The following ZNF397 variants were observed in gnomAD, a reference collection of about 807,000 sequenced individuals.
ZNF397 encodes the protein zinc finger protein 397.
In ZNF397, 38 loss-of-function variants were observed where a neutral mutation model predicts 50.6. That is an observed-to-expected ratio of 0.75 (90% CI 0.58 to 0.98). The LOEUF (loss-of-function observed/expected upper bound fraction) is 0.98. ZNF397 is among the 50% of genes least tolerant of loss of function. ZNF397 has a pLI of 0.00. For missense variants in ZNF397, 624 were observed against 624.1 expected, an observed-to-expected ratio of 1.00 and a Z score of 0.00; for synonymous variants, 228 against 215.2, an observed-to-expected ratio of 1.06 and a Z score of -0.52.
At chr18:35,244,128 T>C (rs1912747322) in intron 3 of ZNF397, 1 of 154,388 alleles carries the variant, frequency 6.5e-6, no homozygotes, top group Non-Finnish European at 1.5e-5. Context: ...AATCAATATG[T>C]GTTATGGTAA....
At chr18:35,258,040 A>G (rs542802588) in exon 6 of ZNF397, 70 of 779,154 alleles carry the variant, frequency 9.0e-5, no homozygotes, top group Non-Finnish European at 1.5e-4. Flanking sequence ...CAAGAAACTT[A>G]TAACTCAAGG....
At position 35,242,592 on chromosome 18, in the gene ZNF397, G is replaced by A. The variant is rs1377093511; in HGVS notation, c.122G>A (p.Ser41Asn). The change falls in exon 2 of 4, where the codon AGT becomes AAT. Residue 41 changes from serine (S) to asparagine (N), a missense_variant. Ser to Asn is a conservative substitution (Grantham distance 46, BLOSUM62 1). Coordinates refer to ENST00000330501, the MANE Select transcript of ZNF397 (RefSeq NM_001135178.3). ...GATGAGAAATTTAAGCAGAATGGGA[G>A]TACTCAATCCTGCCAAGAATTGTTT... is the stretch of plus-strand genomic sequence containing the variant. ...SWDEKFKQNG[S>N]TQSCQELFRQ... 14 of 1,614,094 alleles carry A rather than the reference G, an allele frequency of 8.7e-6. No homozygotes were observed. Among genetic ancestry groups the A allele is most frequent in the Non-Finnish European group, 1.0e-5 (12 of 1,180,058 alleles).
chr18:35,247,197 C>T lies in ZNF397; in HGVS notation c.*887C>T. The T allele has an allele frequency of 1.0e-6, 1 of 984,982 alleles. No individual in the cohort carries two copies. The highest frequency in any genetic ancestry group is 1.2e-6 in the Non-Finnish European group (1 of 829,546). The allele number at this position is 984,982 out of a possible 1,614,324, so 61.0% of individuals were successfully genotyped here. On this transcript the variant is annotated 3_prime_UTR_variant, in exon 4 of 4. Coordinates refer to ENST00000330501, the MANE Select transcript of ZNF397 (RefSeq NM_001135178.3). ...GGTCTGGCCAGACTCTTAAGCAGTG[C>T]CAATGGAGAAGTTCCTGTTAATAGA...
At position 35,247,653 on chromosome 18, in the gene ZNF397, A is replaced by T. The variant is rs545692894; in HGVS notation, c.*1343A>T. 2.9e-5 allele frequency: 4 copies of T among 137,416 alleles called. No homozygotes were observed. The highest frequency in any genetic ancestry group is 1.5e-4 in the Admixed American group (2 of 13,302). The allele number at this position is 137,416 out of a possible 1,614,324, so 8.5% of individuals were successfully genotyped here. A position where few individuals can be genotyped will look rare whatever the true frequency, so the allele number is the denominator to read the frequency against. ...TTGTCTTATGTCACCAGTATTTCAC[A>T]ATATCTTTTGCAATTTTTTTTTTTT... On this transcript the variant is annotated 3_prime_UTR_variant, in exon 4 of 4. Coordinates refer to ENST00000330501, the MANE Select transcript of ZNF397 (RefSeq NM_001135178.3).
chr18:35,241,233 C>A (rs1912464927), intron 1 of ZNF397, 124 bp downstream of exon 1: 1 of 152,230 alleles, frequency 6.6e-6, no homozygotes, highest in African/African-American at 2.4e-5. Context: ...CGCGGCGTCT[C>A]CAAGCGACTG....
chr18:35,254,278 T>G (rs747142874), downstream of ZNF397: 8 of 1,614,176 alleles, frequency 5.0e-6, no homozygotes, highest in Admixed American at 1.3e-4. Context: ...GTTGGGAATG[T>G]GTTTCTCCAG....
downstream of ZNF397, chr18:35,253,295 CA>C: frequency 1.8e-6 from 1 of 552,264 alleles, no homozygotes. Flanking sequence ...CTTCAATAAT[CA>C]TAACAAACAT....
downstream of ZNF397, chr18:35,254,342 T>G: frequency 1.2e-6 from 2 of 1,613,850 alleles, no homozygotes; most frequent in Non-Finnish European, 1.7e-6. Flanking sequence ...AACAATTTCT[T>G]GCTTTGCCAT....
intron 1 of ZNF397, 112 bp downstream of exon 1, chr18:35,241,221 C>G (rs556039637): frequency 6.6e-6 from 1 of 152,180 alleles, no homozygotes; most frequent in African/African-American, 2.4e-5. Context: ...CCCTTTGGCC[C>G]GCGCGGCGTC....
downstream of ZNF397, among the ~76,000 whole-genome samples, chr18:35,250,242 C>T (rs2043554859): frequency 6.6e-6 from 1 of 152,176 alleles, no homozygotes. Flanking sequence ...AGCAAGTCAT[C>T]TTCCAACTCT....
downstream of ZNF397, chr18:35,259,191 C>T (rs1397171107): frequency 6.6e-6 from 1 of 152,144 alleles, no homozygotes. Flanking sequence ...ATGATGGCCA[C>T]CTTCTTTTCT....
Position 35,248,363 on chromosome 18 carries a change from A to C in ZNF397, c.*2053A>C, listed in dbSNP as rs1386876658. ...TGTTTAGGGAGAGAATATGGAAAAAATGGATGGGATTATTTGGAAAAGATG... is the reference window on the plus strand; with the variant it reads ...TGTTTAGGGAGAGAATATGGAAAAACTGGATGGGATTATTTGGAAAAGATG... On this transcript the variant is annotated 3_prime_UTR_variant, in exon 4 of 4. Transcript: ENST00000330501. 6.6e-6 allele frequency: 1 copy of C among 152,232 alleles called. No individual in the cohort carries two copies. The highest frequency in any genetic ancestry group is 1.9e-4 in the East Asian group (1 of 5,204). The allele number at this position is 152,232 out of a possible 1,614,324, so 9.4% of individuals were successfully genotyped here.
chr18:35,245,673 G>T lies in ZNF397; in HGVS notation c.968G>T (p.Ser323Ile). 1 of 1,552,906 alleles carries T rather than the reference G, an allele frequency of 6.4e-7. No homozygotes were observed. The highest frequency in any genetic ancestry group is 8.7e-7 in the Non-Finnish European group (1 of 1,147,648). ...TGTAACCAGTGTGGGAAGGCCTTTA[G>T]TTTGAGGTCCTATCTTATTATTCAT... ...YKCNQCGKAF[S>I]LRSYLIIHQR... Residue 323 changes from serine to isoleucine, a missense_variant, in exon 4 of 4, where the codon AGT (serine) becomes ATT (isoleucine). Transcript: ENST00000330501.
At chr18:35,257,842 A>G (rs1328091180) in intron 5 of ZNF397, 7 of 780,026 alleles carry the variant, frequency 9.0e-6, no homozygotes, top group Non-Finnish European at 1.7e-5. Context: ...TGCTCCAAGG[A>G]TTAGACCAAG....
At position 35,246,323 on chromosome 18, in the gene ZNF397, G is replaced by A; in HGVS notation, c.*13G>A. On this transcript the variant is annotated 3_prime_UTR_variant, in exon 4 of 4. Transcript: ENST00000330501. ...CACTATAAAGTAATTTGTGAATACT[G>A]TGAATAGTGTAAATACTTCAGTCAG... 6.6e-7 allele frequency: 1 copy of A among 1,509,048 alleles called. No homozygotes were observed. Among genetic ancestry groups the A allele is most frequent in the South Asian group, 1.3e-5 (1 of 76,516 alleles). The allele number at this position is 1,509,048 out of a possible 1,614,324, so 93.5% of individuals were successfully genotyped here.
Position 35,246,322 on chromosome 18 carries a change from T to G in ZNF397, c.*12T>G. The G allele has an allele frequency of 2.0e-6, 3 of 1,509,102 alleles. No homozygotes were observed. Among genetic ancestry groups the G allele is most frequent in the Non-Finnish European group, 2.7e-6 (3 of 1,130,532 alleles). The allele number at this position is 1,509,102 out of a possible 1,614,324, so 93.5% of individuals were successfully genotyped here. On this transcript the variant is annotated 3_prime_UTR_variant, in exon 4 of 4. Transcript: ENST00000330501. ...ACACTATAAAGTAATTTGTGAATAC[T>G]GTGAATAGTGTAAATACTTCAGTCA...
chr18:35,254,312 G>C, downstream of ZNF397: 1 of 1,614,122 alleles, frequency 6.2e-7, no homozygotes, highest in Non-Finnish European at 8.5e-7. Context: ...CGATATCATA[G>C]CTGCTGAGGC....
At position 35,245,283 on chromosome 18, in the gene ZNF397, C is replaced by T. The variant is rs773768417; in HGVS notation, c.578C>T (p.Ala193Val). The T allele has an allele frequency of 1.2e-6, 2 of 1,605,490 alleles. No individual in the cohort carries two copies. The highest frequency in any genetic ancestry group is 1.7e-6 in the Non-Finnish European group (2 of 1,174,606). Residue 193 changes from alanine to valine, a missense_variant, in exon 4 of 4, where the codon GCA becomes GTA. Physicochemically the swap from Ala to Val is moderately conservative, Grantham distance 64. Coordinates refer to ENST00000330501, the MANE Select transcript of ZNF397 (RefSeq NM_001135178.3). ...TCAGATTGTGAGAACAGTGAAACAGCAACAAAAGAGGGCATCTCAGAAGAA... is the reference window on the plus strand; with the variant it reads ...TCAGATTGTGAGAACAGTGAAACAGTAACAAAAGAGGGCATCTCAGAAGAA... Reference protein sequence around the residue: ...PKSDCENSETATKEGISEEKS... With the variant: ...PKSDCENSETVTKEGISEEKS...
intron 1 of ZNF397, among the ~76,000 whole-genome samples, chr18:35,242,064 T>A (rs2143575155): frequency 6.6e-6 from 1 of 152,350 alleles, no homozygotes; most frequent in South Asian, 2.1e-4. Flanking sequence ...TACATACATG[T>A]TAAAGATAGA....
Sources: allele counts gnomAD v4.1 joint callset (sites outside exome capture counted in the v4.1 genomes callset), GRCh38; gene constraint gnomAD v4.1.1; transcripts MANE v1.5; gene names NCBI Gene and HGNC (gene_info 2026-07-23, HGNC 2026-07-21).